Variants in MBD5 observed in about 807,000 individuals in gnomAD.
MBD5 encodes methyl-CpG binding domain protein 5.
MBD5 carries 13 observed loss-of-function variants against 117.3 expected under a neutral mutation model. The ratio of observed to expected loss-of-function variants is 0.11; its 90% CI spans 0.07 to 0.18. The LOEUF (loss-of-function observed/expected upper bound fraction) is 0.18, where lower values mean the gene tolerates loss of function less well. Among genes scored for constraint, MBD5 ranks in the 10% least tolerant of loss-of-function variants. MBD5 has a pLI of 1.00. For synonymous variants in MBD5, 727 were observed against 766.4 expected, an observed-to-expected ratio of 0.95 and a Z score of 0.85; for missense variants, 1,879 against 2,093.8, an observed-to-expected ratio of 0.90 and a Z score of 2.00.
chr2:148,403,773 A>G (rs1345657435), intron 4 of MBD5, among the ~76,000 whole-genome samples: 1 of 152,078 alleles, frequency 6.6e-6, no homozygotes, highest in Non-Finnish European at 1.5e-5. Flanking sequence ...TATTTCGTTC[A>G]ATACAATTCT....
chr2:148,481,985 A>G (rs1246020837), intron 8 of MBD5, among the ~76,000 whole-genome samples: 3 of 152,208 alleles, frequency 2.0e-5, no homozygotes, highest in South Asian at 2.1e-4. Flanking sequence ...TTAAAAAATC[A>G]TAAGTACAAA....
At chr2:148,449,600 G>A (rs1706664590) in intron 4 of MBD5, among the ~76,000 whole-genome samples, 1 of 151,680 alleles carries the variant, frequency 6.6e-6, no homozygotes, top group Admixed American at 6.6e-5. Context: ...GCAGAAAAGT[G>A]GGCATGACAC....
chr2:148,279,689 A>G (rs1439112089), intron 3 of MBD5, among the ~76,000 whole-genome samples: 1 of 152,220 alleles, frequency 6.6e-6, no homozygotes, highest in East Asian at 1.9e-4. Context: ...TCTGAACATC[A>G]TAAAGCTGGA....
intron 2 of MBD5, among the ~76,000 whole-genome samples, chr2:148,205,928 C>T (rs1180194611): frequency 6.6e-6 from 1 of 151,878 alleles, no homozygotes; most frequent in East Asian, 1.9e-4. Context: ...ATCACTTGAG[C>T]CCGGGAGTTC....
rs1574458957 is a variant in MBD5, at chr2:148,468,565, C to T, written c.622C>T (p.His208Tyr). The T allele has an allele frequency of 6.2e-7, 1 of 1,613,932 alleles. No individual in the cohort carries two copies. ...CCGACAGAGATTGGGCAGCAGTGAACATGGACAGAAATCTCCATTCCGTGG... is the reference window on the plus strand; with the variant it reads ...CCGACAGAGATTGGGCAGCAGTGAATATGGACAGAAATCTCCATTCCGTGG... ...YPRQRLGSSE[H>Y]GQKSPFRGSH... Residue 208 changes from histidine (H) to tyrosine (Y), a missense_variant, in exon 8 of 14, where the codon CAT becomes TAT. His to Tyr is a moderately conservative substitution (Grantham distance 83, BLOSUM62 2). Transcript: ENST00000642680.
chr2:148,225,716 T>A (rs13022367), intron 2 of MBD5, among the ~76,000 whole-genome samples: 48 of 152,342 alleles, frequency 3.2e-4, no homozygotes, highest in Admixed American at 3.9e-4. Context: ...AAGGATATTT[T>A]CACTGAATAT....
intron 2 of MBD5, among the ~76,000 whole-genome samples, chr2:148,201,757 G>A (rs1275103771): frequency 5.9e-5 from 9 of 152,300 alleles, no homozygotes; most frequent in South Asian, 4.1e-4. Context: ...CCCACCTGAA[G>A]TTGGGTGGTT....
chr2:148,107,270 T>A (rs1257676440), intron 1 of MBD5, among the ~76,000 whole-genome samples: 2 of 152,110 alleles, frequency 1.3e-5, no homozygotes, highest in Non-Finnish European at 2.9e-5. Context: ...AACTCATTAG[T>A]CTTTCAGTCC....
At chr2:148,205,369 C>A (rs756430297) in intron 2 of MBD5, among the ~76,000 whole-genome samples, 6 of 152,058 alleles carry the variant, frequency 3.9e-5, no homozygotes, top group Non-Finnish European at 7.3e-5. Context: ...GGATTACAGG[C>A]GTGGACTAAT....
chr2:148,279,467 T>G (rs1029705438), intron 3 of MBD5, among the ~76,000 whole-genome samples: 9 of 152,270 alleles, frequency 5.9e-5, no homozygotes, highest in African/African-American at 2.2e-4. Flanking sequence ...TCTGAGTTTC[T>G]CTTTCAGCAG....
At chr2:148,379,146 T>C (rs1330618583) in intron 4 of MBD5, among the ~76,000 whole-genome samples, 1 of 152,010 alleles carries the variant, frequency 6.6e-6, no homozygotes, top group Non-Finnish European at 1.5e-5. Context: ...AACAGCAGTC[T>C]ACAGATAGTG....
chr2:148,280,131 C>CAAAAAAAAAAAAAAAAAAACAAAAAAAAA, intron 3 of MBD5, among the ~76,000 whole-genome samples: 1 of 91,884 alleles, frequency 1.1e-5, no homozygotes, highest in Non-Finnish European at 2.2e-5. Context: ...AAACTAACTG[C>CAAAAAAAAAAAAAAAAAAACAAAAAAAAA]AAAAAAAAAA....
chr2:148,243,559 A>T, intron 3 of MBD5, among the ~76,000 whole-genome samples: 1 of 152,258 alleles, frequency 6.6e-6, no homozygotes, highest in Non-Finnish European at 1.5e-5. Context: ...TAAAATATTT[A>T]AAATAATAAA....
At chr2:148,381,143 G>A (rs1481863189) in intron 4 of MBD5, among the ~76,000 whole-genome samples, 1 of 152,190 alleles carries the variant, frequency 6.6e-6, no homozygotes, top group Non-Finnish European at 1.5e-5. Context: ...ATTGAGAGAG[G>A]AAGGCTTCAG....
intron 3 of MBD5, among the ~76,000 whole-genome samples, chr2:148,326,754 G>A (rs1702463397): frequency 6.6e-6 from 1 of 151,942 alleles, no homozygotes; most frequent in African/African-American, 2.4e-5. Context: ...TGGGTTTCCT[G>A]AATACAGCAC....
At chr2:148,467,068 A>G (rs1275486002) in intron 7 of MBD5, among the ~76,000 whole-genome samples, 1 of 152,170 alleles carries the variant, frequency 6.6e-6, no homozygotes, top group East Asian at 1.9e-4. Context: ...TATAGTTTGA[A>G]TGGTGCCATT....
intron 3 of MBD5, among the ~76,000 whole-genome samples, chr2:148,294,501 GTT>G (rs58961481): frequency 0.65 from 73,647 of 113,326 alleles, 22,615 homozygotes; most frequent in East Asian, 0.87. Context: ...TGGGATTACA[GTT>G]TTTTTTTTTT....
Position 148,483,779 on chromosome 2 carries a change from G to T in MBD5, c.3188G>T (p.Gly1063Val). The change falls in exon 9 of 14, where the codon GGC becomes GTC. Residue 1063 changes from glycine (G) to valine (V), a missense_variant. Gly to Val is a moderately radical substitution (Grantham distance 109, BLOSUM62 -3). Coordinates refer to ENST00000642680, the MANE Select transcript of MBD5 (RefSeq NM_001378120.1). ...PLGNPLPSFA[G>V]SDTTFNPLFL... Reference sequence around the variant, plus strand: ...GGGAACCCTTTACCAAGCTTTGCAGGCAGTGACACTACTTTTAACCCCCTG... The same window carrying T: ...GGGAACCCTTTACCAAGCTTTGCAGTCAGTGACACTACTTTTAACCCCCTG... 1 of 1,550,580 alleles carries T rather than the reference G, an allele frequency of 6.4e-7. No individual in the cohort carries two copies. Among genetic ancestry groups the T allele is most frequent in the South Asian group, 1.2e-5 (1 of 84,060 alleles).
intron 4 of MBD5, among the ~76,000 whole-genome samples, chr2:148,366,125 A>G (rs1703688579): frequency 6.6e-6 from 1 of 152,174 alleles, no homozygotes. Flanking sequence ...AAGCTCATCC[A>G]CCATGATCGA....
Sources: allele counts gnomAD v4.1 joint callset (sites outside exome capture counted in the v4.1 genomes callset), GRCh38; gene constraint gnomAD v4.1.1; transcripts MANE v1.5; gene names NCBI Gene and HGNC (gene_info 2026-07-23, HGNC 2026-07-21).